The following DST variants were observed in gnomAD, a reference collection of about 807,000 sequenced individuals.
DST encodes the protein dystonin.
Under a neutral mutation model 875.2 loss-of-function variants are expected in DST, and 253 were observed. The ratio of observed to expected loss-of-function variants is 0.29; its 90% CI spans 0.26 to 0.32. The LOEUF (loss-of-function observed/expected upper bound fraction) is 0.32. Among genes scored for constraint, DST ranks in the 10% least tolerant of loss-of-function variants. DST has a pLI of 1.00. For synonymous variants in DST, 3,124 were observed against 3,197.1 expected (o/e 0.98, Z 0.77); for missense variants, 8,287 against 9,111.6 (o/e 0.91, Z 3.68).
chr6:56,645,900 C>G lies in DST; in HGVS notation c.1744G>C (p.Glu582Gln), dbSNP rs1466837824. ...TCTGGACGAAGGGCCTTCTCTCTCTCTAGCATGGCAATAATGAGTTTCCCC... is the reference window on the plus strand; with the variant it reads ...TCTGGACGAAGGGCCTTCTCTCTCTGTAGCATGGCAATAATGAGTTTCCCC... The part of the protein sequence containing the change: ...EWGKLIIAML[E>Q]REKALRPEVE... Residue 582 changes from glutamate (E) to glutamine (Q), a missense_variant, in exon 15 of 104, where the codon GAG becomes CAG. By Grantham distance (29) the Glu-to-Gln change is conservative (BLOSUM62 2). Coordinates refer to ENST00000680361, the MANE Select transcript of DST (RefSeq NM_001374736.1). 6.2e-7 allele frequency: 1 copy of G among 1,613,844 alleles called. No homozygotes were observed. The highest frequency in any genetic ancestry group is 1.1e-5 in the South Asian group (1 of 91,078).
chr6:56,771,855 T>C, intron 4 of DST, among the ~76,000 whole-genome samples: 1 of 152,188 alleles, frequency 6.6e-6, no homozygotes, highest in East Asian at 1.9e-4. Flanking sequence ...TAACCGACCT[T>C]TTACCTCAGC....
At chr6:56,935,091 G>A (rs1037386736) in intron 2 of DST, among the ~76,000 whole-genome samples, 10 of 152,100 alleles carry the variant, frequency 6.6e-5, no homozygotes, top group South Asian at 6.3e-4. Context: ...ATAGTTTCTC[G>A]GCGAACAGCT....
Position 56,552,898 on chromosome 6 carries a change from G to A in DST, c.15894C>T (p.Ile5298=), listed in dbSNP as rs2097345536. 1.2e-6 allele frequency: 2 copies of A among 1,613,970 alleles called. No homozygotes were observed. Among genetic ancestry groups the A allele is most frequent in the Non-Finnish European group, 1.7e-6 (2 of 1,179,870 alleles). Residue 5298 remains isoleucine, a synonymous_variant, in exon 61 of 104, where the codon ATC becomes ATT. Transcript: ENST00000680361. ...AAGCCTGGGATCCCAGCGAATCATG[G>A]ATATCTAGCTGCTCCTTTGCACACT... ...QLQCAKEQLD[I]HDSLGSQAYS...
intron 9 of DST, chr6:56,693,096 A>C (rs1336066648): frequency 7.8e-7 from 1 of 1,289,352 alleles, no homozygotes; most frequent in Non-Finnish European, 1.0e-6. Flanking sequence ...TTTTGGCAGG[A>C]TCTACATATT....
At chr6:56,588,378 C>A (rs2098204396) in intron 49 of DST, among the ~76,000 whole-genome samples, 1 of 152,166 alleles carries the variant, frequency 6.6e-6, no homozygotes. Flanking sequence ...CTTGGCTCTT[C>A]TTCACCTTTT....
intron 69 of DST, among the ~76,000 whole-genome samples, chr6:56,525,642 C>T (rs949913783): frequency 2.0e-5 from 3 of 152,132 alleles, no homozygotes; most frequent in African/African-American, 7.2e-5. Flanking sequence ...CATACTACCC[C>T]CACACATAAA....
rs1347474814 is a variant in DST, at chr6:56,640,017, C to T, written c.2531G>A (p.Ser844Asn). The T allele has an allele frequency of 6.2e-7, 1 of 1,614,072 alleles. No individual in the cohort carries two copies. ...DRTEWGSDLP[S>N]VESHLENHKN... ...ATGATTTTCTAAATGGCTTTCAACACTTGGCAAATCTGAGCCCCACTCAGT... is the reference window on the plus strand; with the variant it reads ...ATGATTTTCTAAATGGCTTTCAACATTTGGCAAATCTGAGCCCCACTCAGT... The change falls in exon 19 of 104, where the codon AGT becomes AAT. Residue 844 changes from serine to asparagine, a missense_variant. Transcript: ENST00000680361.
intron 3 of DST, chr6:56,871,286 T>C (rs1428732843): frequency 1.3e-6 from 1 of 788,276 alleles, no homozygotes; most frequent in East Asian, 2.4e-5. Flanking sequence ...CTCGTGAAAC[T>C]GCCCAGGACA....
intron 9 of DST, among the ~76,000 whole-genome samples, chr6:56,697,610 G>C (rs773561503): frequency 9.9e-5 from 15 of 152,238 alleles, no homozygotes; most frequent in African/African-American, 3.1e-4. Context: ...CATCACAACA[G>C]TAAGTAAAAG....
At chr6:56,487,404 T>C (rs1169065071) in intron 86 of DST, 131 bp from the exon 87 acceptor site, 28 of 825,838 alleles carry the variant, frequency 3.4e-5, no homozygotes, top group Non-Finnish European at 4.8e-5. Flanking sequence ...TGACTTGACT[T>C]AGGATTTTTT....
rs1331685805 is a variant in DST at position 56,605,197 on chromosome 6, G to A, written c.9431C>T (p.Ser3144Leu). 6.2e-7 allele frequency: 1 copy of A among 1,611,872 alleles called. No homozygotes were observed. Among genetic ancestry groups the A allele is most frequent in the South Asian group, 1.1e-5 (1 of 90,942 alleles). Residue 3144 changes from serine to leucine, a missense_variant, in exon 40 of 104, where the codon TCA becomes TTA. Coordinates refer to ENST00000680361, the MANE Select transcript of DST (RefSeq NM_001374736.1). ...GTCATCACTAATCTCTTTGGAAACT[G>A]ATGTGTCAAAAATTTCTTCAAGATT... ...FENLEEIFDT[S>L]VSKEISDDIT...
intron 3 of DST, among the ~76,000 whole-genome samples, chr6:56,877,413 G>A (rs142626691): frequency 0.024 from 3,598 of 152,198 alleles, 123 homozygotes; most frequent in African/African-American, 0.081. Flanking sequence ...AAAATTAGCC[G>A]GGCATGGTGG....
chr6:56,777,817 T>G lies in DST; in HGVS notation c.626-42528A>C, dbSNP rs187540482. Among the ~76,000 whole-genome samples the G allele has an allele frequency of 3.7e-3, 560 of 151,974 alleles. 3 individuals carry two copies. The highest frequency in any genetic ancestry group is 5.5e-3 in the Non-Finnish European group (371 of 67,982). On this transcript the variant is annotated intron_variant, in intron 4 of 103. Coordinates refer to ENST00000680361, the MANE Select transcript of DST (RefSeq NM_001374736.1). ...GGCCCAAGCCATCCTCCCACCTCAC[T>G]TCCCAAGTACCTGGACTACAGGCAT...
intron 91 of DST, 52 bp downstream of exon 91, chr6:56,477,293 C>G: frequency 6.4e-7 from 1 of 1,571,720 alleles, no homozygotes; most frequent in East Asian, 2.3e-5. Context: ...TTCCCACACC[C>G]CTCAACTCTC....
At chr6:56,871,260 G>A (rs1041213321) in intron 3 of DST, 1 of 776,536 alleles carries the variant, frequency 1.3e-6, no homozygotes, top group Non-Finnish European at 2.4e-6. Context: ...AAATCTTCGT[G>A]TTCACTTTAA....
chr6:56,872,814 A>G (rs1777840595), intron 3 of DST, among the ~76,000 whole-genome samples: 1 of 144,122 alleles, frequency 6.9e-6, no homozygotes, highest in Non-Finnish European at 1.5e-5. Flanking sequence ...TCTCTTCAAT[A>G]CACTGATTCC....
Position 56,664,213 on chromosome 6 carries a change from A to G in DST, c.1214+6428T>C, listed in dbSNP as rs150843133. Among the ~76,000 whole-genome samples, 509 of 152,264 alleles carry G rather than the reference A, an allele frequency of 3.3e-3. 3 individuals carry two copies. The highest frequency in any genetic ancestry group is 0.012 in the African/African-American group (493 of 41,552). ...TACATATTCATGTTCATGCCTGCTC[A>G]GGCAGACTTGTTTGCACACAGAGCA... On this transcript the variant is annotated intron_variant, in intron 10 of 103. Transcript: ENST00000680361.
intron 49 of DST, among the ~76,000 whole-genome samples, chr6:56,588,291 T>G (rs151234849): frequency 1.6e-3 from 244 of 152,326 alleles, no homozygotes; most frequent in African/African-American, 5.6e-3. Context: ...TTCTTAGCTA[T>G]TTATTCATGC....
chr6:56,727,342 G>A (rs1452593023), intron 5 of DST, among the ~76,000 whole-genome samples: 4 of 152,056 alleles, frequency 2.6e-5, no homozygotes, highest in African/African-American at 4.8e-5. Flanking sequence ...GGCACATTTC[G>A]TCAGGACCTC....
Sources: allele counts gnomAD v4.1 joint callset (sites outside exome capture counted in the v4.1 genomes callset), GRCh38; gene constraint gnomAD v4.1.1; transcripts MANE v1.5; gene names NCBI Gene and HGNC (gene_info 2026-07-23, HGNC 2026-07-21).